COL22A1: variants seen among roughly 807,000 people sequenced by gnomAD.
COL22A1 encodes collagen type XXII alpha 1 chain.
COL22A1 carries 221 observed loss-of-function variants against 248.9 expected under a neutral mutation model. The ratio of observed to expected loss-of-function variants is 0.89; its 90% CI spans 0.80 to 0.99. The LOEUF (loss-of-function observed/expected upper bound fraction) is 0.99. Ranked by LOEUF, COL22A1 falls within the 50% of genes least tolerant of loss-of-function variation. The pLI is 0.00. For missense variants in COL22A1, 2,240 were observed against 2,179.0 expected (o/e 1.03, Z -0.56); for synonymous variants, 891 against 793.4 (o/e 1.12, Z -2.07).
chr8:138,901,207 G>A (rs1814524926), intron 1 of COL22A1, among the ~76,000 whole-genome samples: 1 of 151,900 alleles, frequency 6.6e-6, no homozygotes, highest in African/African-American at 2.4e-5. Flanking sequence ...TCTTAGTTGG[G>A]GGACACTTGA....
chr8:138,868,744 T>TC (rs1423999276), intron 3 of COL22A1, among the ~76,000 whole-genome samples: 1 of 151,814 alleles, frequency 6.6e-6, no homozygotes, highest in Admixed American at 6.6e-5. Flanking sequence ...CTTTTTTTTT[T>TC]TTTGGAGACG....
intron 22 of COL22A1, among the ~76,000 whole-genome samples, chr8:138,750,792 C>G (rs563054065): frequency 9.8e-5 from 15 of 152,316 alleles, no homozygotes; most frequent in African/African-American, 3.6e-4. Context: ...TGACTTCCTG[C>G]CCTGTGCCAG....
chr8:138,758,517 A>G (rs1423011987), intron 18 of COL22A1, among the ~76,000 whole-genome samples: 1 of 152,260 alleles, frequency 6.6e-6, no homozygotes, highest in Non-Finnish European at 1.5e-5. Flanking sequence ...GGACAGGCAG[A>G]TAATATGATA....
intron 62 of COL22A1, among the ~76,000 whole-genome samples, chr8:138,595,970 G>C (rs914415644): frequency 2.0e-5 from 3 of 152,220 alleles, no homozygotes; most frequent in Non-Finnish European, 4.4e-5. Flanking sequence ...AGAACCTTCA[G>C]TGAGGCTGCC....
intron 40 of COL22A1, 72 bp from the exon 41 acceptor site, chr8:138,676,707 A>T: frequency 1.8e-6 from 2 of 1,125,144 alleles, no homozygotes; most frequent in South Asian, 2.8e-5. Flanking sequence ...AAAATGAATC[A>T]TGCTTCTTCT....
intron 3 of COL22A1, among the ~76,000 whole-genome samples, chr8:138,873,989 TCCCC>T (rs1823532129): frequency 6.6e-6 from 1 of 152,180 alleles, no homozygotes; most frequent in Non-Finnish European, 1.5e-5. Context: ...GGCTGTGAAG[TCCCC>T]CACAGGCATC....
At chr8:138,869,812 G>A (rs1293338568) in intron 3 of COL22A1, among the ~76,000 whole-genome samples, 3 of 152,170 alleles carry the variant, frequency 2.0e-5, no homozygotes, top group Non-Finnish European at 2.9e-5. Context: ...AGACCTCTAC[G>A]TGGCGGCTCC....
intron 48 of COL22A1, among the ~76,000 whole-genome samples, chr8:138,635,287 T>A (rs1172565080): frequency 1.3e-5 from 2 of 152,132 alleles, no homozygotes; most frequent in Non-Finnish European, 2.9e-5. Flanking sequence ...TGCTTCAAAA[T>A]AATGTGTGGG....
chr8:138,785,175 C>G (rs1815406165), intron 12 of COL22A1, among the ~76,000 whole-genome samples: 1 of 152,148 alleles, frequency 6.6e-6, no homozygotes, highest in Non-Finnish European at 1.5e-5. Flanking sequence ...TCCACCAGCC[C>G]TGCTCCCCTG....
intron 23 of COL22A1, among the ~76,000 whole-genome samples, 194 bp downstream of exon 23, chr8:138,737,330 A>G (rs1430225240): frequency 6.6e-6 from 1 of 152,054 alleles, no homozygotes; most frequent in Admixed American, 6.5e-5. Context: ...ATAGCCAACA[A>G]TGGCCATTCA....
chr8:138,853,460 G>T (rs940707022), intron 3 of COL22A1, among the ~76,000 whole-genome samples: 2 of 152,204 alleles, frequency 1.3e-5, no homozygotes, highest in East Asian at 1.9e-4. Flanking sequence ...TCCACAACAG[G>T]TCTCTCTCTT....
intron 3 of COL22A1, among the ~76,000 whole-genome samples, chr8:138,858,224 C>T (rs1457636788): frequency 2.0e-5 from 3 of 152,216 alleles, no homozygotes; most frequent in Non-Finnish European, 2.9e-5. Flanking sequence ...CCAAAGGAAA[C>T]TCTCAGTATC....
chr8:138,597,568 G>T (rs900865177), intron 61 of COL22A1, among the ~76,000 whole-genome samples: 1 of 152,164 alleles, frequency 6.6e-6, no homozygotes, highest in Non-Finnish European at 1.5e-5. Flanking sequence ...TCAAAGAGTG[G>T]TATGTGATTC....
chr8:138,820,659 C>A (rs966360973), intron 7 of COL22A1, among the ~76,000 whole-genome samples: 4 of 152,072 alleles, frequency 2.6e-5, no homozygotes, highest in African/African-American at 7.2e-5. Context: ...AGGAAAAAAT[C>A]TGTATTTAAA....
chr8:138,850,484 GATGCGGCACGAAGA>G (rs374226497), intron 3 of COL22A1, among the ~76,000 whole-genome samples: 96 of 152,282 alleles, frequency 6.3e-4, no homozygotes, highest in African/African-American at 2.3e-3. Context: ...AACTCAGAAA[GATGCGGCACGAAGA>G]ATGAGGGGTG....
intron 57 of COL22A1, 82 bp from the exon 58 acceptor site, chr8:138,606,534 A>G: frequency 7.4e-7 from 1 of 1,349,634 alleles, no homozygotes; most frequent in Non-Finnish European, 1.0e-6. Flanking sequence ...ACCACTCTGA[A>G]ATCAAAAGGC....
intron 3 of COL22A1, among the ~76,000 whole-genome samples, chr8:138,860,024 G>C (rs1245564146): frequency 6.6e-6 from 1 of 152,132 alleles, no homozygotes; most frequent in East Asian, 1.9e-4. Context: ...TGGGCTGTCT[G>C]ATCAGTTATC....
intron 23 of COL22A1, among the ~76,000 whole-genome samples, chr8:138,735,739 C>T (rs759728012): frequency 2.0e-5 from 3 of 152,172 alleles, no homozygotes; most frequent in Non-Finnish European, 4.4e-5. Flanking sequence ...CCTGCTGCAT[C>T]CTGACCTGAG....
chr8:138,806,517 G>A (rs1036596336), intron 10 of COL22A1, among the ~76,000 whole-genome samples: 1 of 152,072 alleles, frequency 6.6e-6, no homozygotes, highest in Admixed American at 6.5e-5. Flanking sequence ...AAGGAGGGAC[G>A]CATAGGAAGG....
Sources: allele counts gnomAD v4.1 joint callset (sites outside exome capture counted in the v4.1 genomes callset), GRCh38; gene constraint gnomAD v4.1.1; transcripts MANE v1.5; gene names NCBI Gene and HGNC (gene_info 2026-07-23, HGNC 2026-07-21).